Variants in LARGE1 observed in about 807,000 individuals in gnomAD.
LARGE1 encodes xylosyl- and glucuronyltransferase LARGE1.
In LARGE1, 43 loss-of-function variants were observed where a neutral mutation model predicts 87.6. The ratio of observed to expected loss-of-function variants is 0.49; its 90% CI spans 0.38 to 0.63. The LOEUF (loss-of-function observed/expected upper bound fraction) is 0.63. Among genes scored for constraint, LARGE1 ranks in the 30% least tolerant of loss-of-function variants. LARGE1 has a pLI of 0.00. For missense variants in LARGE1, 802 were observed against 1,000.2 expected (o/e 0.80, Z 2.67); for synonymous variants, 434 against 394.6 (o/e 1.10, Z -1.18).
chr22:33,585,737 T>A (rs2078653110), intron 5 of LARGE1, among the ~76,000 whole-genome samples: 1 of 152,160 alleles, frequency 6.6e-6, no homozygotes, highest in East Asian at 1.9e-4. Flanking sequence ...GATCACAACA[T>A]AAAAGATCAG....
At chr22:33,798,950 A>C (rs1389516624) in intron 1 of LARGE1, among the ~76,000 whole-genome samples, 1 of 152,076 alleles carries the variant, frequency 6.6e-6, no homozygotes, top group Admixed American at 6.5e-5. Context: ...TCAGCTTTCC[A>C]CCCAACACTA....
chr22:33,767,989 T>A lies in LARGE1; in HGVS notation c.-82-6431A>T, dbSNP rs2084955951. ...GTCCCAGCACCTGAAGAGAAAGAGC[T>A]GGACATCACCGAGGTTTTGTTATAA... On this transcript the variant is annotated intron_variant, in intron 1 of 14. Coordinates refer to ENST00000397394, the MANE Select transcript of LARGE1 (RefSeq NM_133642.5). 5.3e-5 allele frequency among the ~76,000 whole-genome samples: 8 copies of A among 152,360 alleles called. 2 individuals are homozygous for A. The South Asian group carries it at 1.7e-3, about 32-fold the overall frequency.
rs983805203 is a variant in LARGE1, at chr22:33,266,219, C to CTTTTTTTT, written c.1730+38002_1730+38009dup. ...GTGGGCCTAGGTCTGATTTTCAGGG[C>CTTTTTTTT]TTTTTTTTTTTTTTTTTTTGAGATG... On this transcript the variant is annotated intron_variant, in intron 11 of 11. Transcript: ENST00000608642. 2.8e-5 allele frequency among the ~76,000 whole-genome samples: 3 copies of CTTTTTTTT among 106,934 alleles called. 1 individual carries two copies. The highest frequency in any genetic ancestry group is 1.3e-4 in the African/African-American group (3 of 23,304). The allele number at this position is 106,934 out of a possible 152,430, so 70.2% of individuals were successfully genotyped here.
intron 9 of LARGE1, among the ~76,000 whole-genome samples, chr22:33,347,354 C>G (rs962219739): frequency 6.6e-6 from 1 of 152,192 alleles, no homozygotes; most frequent in Non-Finnish European, 1.5e-5. Flanking sequence ...TGCCACAGTG[C>G]TTGGCACGCA....
intron 6 of LARGE1, among the ~76,000 whole-genome samples, chr22:33,550,725 A>G (rs572940000): frequency 6.6e-6 from 1 of 152,354 alleles, no homozygotes; most frequent in East Asian, 1.9e-4. Flanking sequence ...AAATCATTAT[A>G]TAAGAAAGAC....
At chr22:33,429,181 G>C (rs1031551418) in intron 7 of LARGE1, among the ~76,000 whole-genome samples, 2 of 152,080 alleles carry the variant, frequency 1.3e-5, no homozygotes, top group African/African-American at 4.8e-5. Flanking sequence ...GTTTCCATGA[G>C]AATCTACATG....
At chr22:33,700,086 A>T (rs1160263283) in intron 2 of LARGE1, among the ~76,000 whole-genome samples, 1 of 152,138 alleles carries the variant, frequency 6.6e-6, no homozygotes, top group Non-Finnish European at 1.5e-5. Context: ...GGAGCATGAG[A>T]TTTGTTGCCT....
chr22:33,865,832 C>CTTTT lies in LARGE1; in HGVS notation c.-83+54159_-83+54162dup, dbSNP rs3072359. 7.4e-4 allele frequency among the ~76,000 whole-genome samples: 21 copies of CTTTT among 28,394 alleles called. 7 individuals carry two copies. Among genetic ancestry groups the CTTTT allele is most frequent in the Non-Finnish European group, 1.0e-3 (15 of 14,470 alleles). The allele number at this position is 28,394 out of a possible 152,430, so 18.6% of individuals were successfully genotyped here. ...TAAGCATTCAATGTTAGCTGTTATT[C>CTTTT]TTTTTTTTTTTTTTTTTTTTTTTTT... On this transcript the variant is annotated intron_variant, in intron 1 of 14. Coordinates refer to ENST00000397394, the MANE Select transcript of LARGE1 (RefSeq NM_133642.5).
intron 6 of LARGE1, among the ~76,000 whole-genome samples, chr22:33,513,621 G>T (rs2148456755): frequency 6.6e-6 from 1 of 152,260 alleles, no homozygotes; most frequent in South Asian, 2.1e-4. Context: ...ATGCAAGAGA[G>T]GAAATTAAGT....
intron 1 of LARGE1, among the ~76,000 whole-genome samples, chr22:33,887,917 G>T (rs1373160308): frequency 1.3e-5 from 2 of 152,180 alleles, no homozygotes; most frequent in Admixed American, 1.3e-4. Flanking sequence ...CGTCACATAC[G>T]TTTGTTTCTA....
intron 9 of LARGE1, among the ~76,000 whole-genome samples, chr22:33,360,308 G>A (rs2064338877): frequency 6.7e-6 from 1 of 149,036 alleles, no homozygotes; most frequent in Non-Finnish European, 1.5e-5. Context: ...GCAAGGCTGT[G>A]TCTCCAAAAA....
intron 11 of LARGE1, among the ~76,000 whole-genome samples, chr22:33,256,815 C>T (rs1927305260): frequency 6.6e-6 from 1 of 152,212 alleles, no homozygotes; most frequent in Admixed American, 6.5e-5. Flanking sequence ...AAAGAGTTTA[C>T]ATGATTAGTT....
chr22:33,190,632 T>C (rs1923724787), intron 11 of LARGE1, among the ~76,000 whole-genome samples: 1 of 152,008 alleles, frequency 6.6e-6, no homozygotes, highest in Admixed American at 6.6e-5. Flanking sequence ...TTGAAGACAA[T>C]GGGCTAGAAG....
intron 2 of LARGE1, among the ~76,000 whole-genome samples, chr22:33,708,203 G>A (rs188175282): frequency 1.2e-3 from 189 of 152,186 alleles, no homozygotes; most frequent in Non-Finnish European, 2.2e-3. Flanking sequence ...CAGCCTCCAC[G>A]GACTGAATAG....
At position 33,604,498 on chromosome 22, in the gene LARGE1, C is replaced by T. The variant is rs8142483; in HGVS notation, c.552G>A (p.Thr184=). The change falls in exon 5 of 15, where the codon ACG becomes ACA. Residue 184 remains threonine, a synonymous_variant. Coordinates refer to ENST00000397394, the MANE Select transcript of LARGE1 (RefSeq NM_133642.5). ...ADSIAEQILA[T]LFQTWMVPAV... is the part of the protein sequence containing the mutation. ...CGGGCACCATCCAGGTCTGGAAGAG[C>T]GTGGCCAGGATCTGCTCCGCAATGG... The T allele has an allele frequency of 1.5e-3, 2,461 of 1,614,034 alleles. 22 individuals carry two copies. In the African/African-American group the frequency reaches 0.029, roughly 19 times the overall value.
intron 3 of LARGE1, among the ~76,000 whole-genome samples, chr22:33,631,663 G>A (rs1233707368): frequency 6.6e-6 from 1 of 151,960 alleles, no homozygotes; most frequent in Non-Finnish European, 1.5e-5. Context: ...ACCTGCCTGA[G>A]GCTGTTTTAC....
chr22:33,630,437 T>C (rs1245789315), intron 3 of LARGE1, among the ~76,000 whole-genome samples: 1 of 152,192 alleles, frequency 6.6e-6, no homozygotes, highest in African/African-American at 2.4e-5. Flanking sequence ...TTAGATGGTA[T>C]AGCCTACAAC....
intron 6 of LARGE1, among the ~76,000 whole-genome samples, chr22:33,451,625 C>G (rs1244722528): frequency 6.7e-6 from 1 of 150,052 alleles, no homozygotes; most frequent in African/African-American, 2.5e-5. Flanking sequence ...GTGGCATGAT[C>G]TCGGCTCACT....
intron 6 of LARGE1, among the ~76,000 whole-genome samples, chr22:33,459,111 A>G (rs2068258583): frequency 6.6e-6 from 1 of 152,030 alleles, no homozygotes; most frequent in African/African-American, 2.4e-5. Flanking sequence ...TCTGTCCTCT[A>G]AGTTCCCTCC....
Sources: gnomAD v4.1 joint callset for allele counts (sites outside exome capture counted in the v4.1 genomes callset) on GRCh38, gnomAD v4.1.1 for gene constraint, MANE v1.5 for transcripts, NCBI Gene and HGNC (gene_info 2026-07-23, HGNC 2026-07-21) for gene names.